Variants in RRM1 observed in about 807,000 individuals in gnomAD.
RRM1 encodes the protein ribonucleoside-diphosphate reductase large subunit.
A neutral mutation model predicts 101.5 loss-of-function variants in RRM1; 19 were observed. The ratio of observed to expected loss-of-function variants is 0.19; its 90% CI spans 0.13 to 0.27. RRM1 has a LOEUF of 0.27. RRM1 is among the 10% of genes least tolerant of loss of function. The pLI, the probability that RRM1 is intolerant of heterozygous loss-of-function variation, is 1.00. For missense variants in RRM1, 500 were observed against 962.9 expected (o/e 0.52, Z 6.36); for synonymous variants, 298 against 323.4 (o/e 0.92, Z 0.84).
chr11:4,108,373 T>G lies in RRM1; in HGVS notation c.387+838T>G, dbSNP rs922813133. Among the ~76,000 whole-genome samples the G allele has an allele frequency of 4.6e-5, 7 of 151,820 alleles. No homozygotes were observed. In the South Asian group the frequency reaches 1.0e-3, roughly 23 times the overall value. ...CAGCACTTTGAGAGGCTGAGGCGGGTGGATCACGGGGTCAGGAGATCCAGA... is the reference window on the plus strand; with the variant it reads ...CAGCACTTTGAGAGGCTGAGGCGGGGGGATCACGGGGTCAGGAGATCCAGA... On this transcript the variant is annotated intron_variant, in intron 4 of 18. Transcript: ENST00000300738.
chr11:4,133,980 A>ATTTTTTTTTTTTT (rs34715101), intron 17 of RRM1, among the ~76,000 whole-genome samples: 2 of 90,866 alleles, frequency 2.2e-5, no homozygotes, highest in East Asian at 3.4e-4. Context: ...CCAGACATCA[A>ATTTTTTTTTTTTT]TTTTTTTTTT....
intron 18 of RRM1, chr11:4,137,188 A>C (rs898076157): frequency 1.2e-5 from 3 of 254,798 alleles, no homozygotes; most frequent in African/African-American, 7.1e-5. Context: ...CAGACACGGC[A>C]ACCATCCGAT....
chr11:4,108,556 C>T (rs868685577), intron 4 of RRM1, among the ~76,000 whole-genome samples: 30 of 137,396 alleles, frequency 2.2e-4, no homozygotes, highest in Admixed American at 6.7e-4. Flanking sequence ...CGAGATTGGG[C>T]CACTGCACTC....
intron 14 of RRM1, among the ~76,000 whole-genome samples, chr11:4,127,587 A>C (rs576174932): frequency 1.3e-5 from 2 of 152,222 alleles, no homozygotes; most frequent in Admixed American, 6.5e-5. Flanking sequence ...GGCAAGGAAC[A>C]GAATCTCTTC....
At chr11:4,103,579 A>G (rs1055679952) in intron 2 of RRM1, among the ~76,000 whole-genome samples, 21 of 152,138 alleles carry the variant, frequency 1.4e-4, no homozygotes, top group Admixed American at 3.9e-4. Flanking sequence ...GTCGGTGCAC[A>G]TCTGTAATCC....
In RRM1 at chr11:4,123,502, CAGA is replaced by C. The variant is rs1590726773; in HGVS notation, c.1320+123_1320+125del. The C allele has an allele frequency of 3.4e-5, 26 of 773,300 alleles. No individual in the cohort carries two copies. In the East Asian group the frequency reaches 6.7e-4, roughly 20 times the overall value. 47.9% of individuals were successfully genotyped at this position (773,300 alleles called of 1,614,324 possible). Reference sequence around the variant, plus strand: ...TGAAGGGAGTTTGCATAGTTGTAAGCAGAAGAACACTGTTAAAGGCAGAGAGCA... The same window carrying C: ...TGAAGGGAGTTTGCATAGTTGTAAGCAGAACACTGTTAAAGGCAGAGAGCA... On this transcript the variant is annotated intron_variant, in intron 12 of 18. Transcript: ENST00000300738.
intron 1 of RRM1, among the ~76,000 whole-genome samples, chr11:4,096,898 C>A (rs929770213): frequency 1.3e-5 from 2 of 151,988 alleles, no homozygotes; most frequent in African/African-American, 2.4e-5. Context: ...AATGTATGGA[C>A]TTAGATGACC....
In RRM1 at chr11:4,123,389, GT is replaced by G; in HGVS notation, c.1320+6del. The G allele has an allele frequency of 1.2e-6, 2 of 1,612,798 alleles. No individual in the cohort carries two copies. Among genetic ancestry groups the G allele is most frequent in the Non-Finnish European group, 1.7e-6 (2 of 1,178,880 alleles). On this transcript the variant is annotated splice_donor_region_variant and intron_variant, in intron 12 of 18. Transcript: ENST00000300738. ...GAGTACACCAGCAAAGATGAGGTAG[GT>G]AGAAAAAATTCTTCCTAGAGTACTA...
At chr11:4,133,477 A>G (rs1446742112) in intron 16 of RRM1, 86 bp from the exon 17 acceptor site, 9 of 758,066 alleles carry the variant, frequency 1.2e-5, no homozygotes, top group African/African-American at 1.1e-4. Context: ...CTCTTAAGTG[A>G]TTTTAGTTTA....
chr11:4,125,336 A>G (rs1198749250), intron 12 of RRM1, among the ~76,000 whole-genome samples: 2 of 152,130 alleles, frequency 1.3e-5, no homozygotes, highest in South Asian at 2.1e-4. Context: ...ATTTGTGGAC[A>G]TTGTGGACAT....
chr11:4,130,969 C>T (rs1412267057), intron 15 of RRM1, among the ~76,000 whole-genome samples: 1 of 151,640 alleles, frequency 6.6e-6, no homozygotes, highest in Non-Finnish European at 1.5e-5. Flanking sequence ...GAACCACCCC[C>T]CAAAAAAAGT....
intron 1 of RRM1, among the ~76,000 whole-genome samples, chr11:4,100,520 A>G (rs552238997): frequency 9.9e-5 from 15 of 152,150 alleles, no homozygotes; most frequent in Admixed American, 2.0e-4. Flanking sequence ...AAAGTTTTGG[A>G]TTTTGGAGTG....
chr11:4,107,418 T>A lies in RRM1; in HGVS notation c.287-17T>A, dbSNP rs777496884. 10 of 1,516,088 alleles carry A rather than the reference T, an allele frequency of 6.6e-6. No homozygotes were observed. The highest frequency in any genetic ancestry group is 9.2e-6 in the Non-Finnish European group (10 of 1,092,134). 93.9% of individuals were successfully genotyped at this position (1,516,088 alleles called of 1,614,324 possible). On this transcript the variant is annotated splice_polypyrimidine_tract_variant and intron_variant, in intron 3 of 18. Coordinates refer to ENST00000300738, the MANE Select transcript of RRM1 (RefSeq NM_001033.5). ...AAGTGGTCTTGATATATTTTCATTT[T>A]TTGTTGTATTTTTTAGATGTGATGG...
At position 4,094,899 on chromosome 11, in the gene RRM1, C is replaced by T; in HGVS notation, c.-114C>T. 3.5e-6 allele frequency: 4 copies of T among 1,143,296 alleles called. No individual in the cohort carries two copies. Among genetic ancestry groups the T allele is most frequent in the Non-Finnish European group, 5.2e-6 (4 of 776,126 alleles). 70.8% of individuals were successfully genotyped at this position (1,143,296 alleles called of 1,614,324 possible). ...TCTGGCTCCAACTCCAGTTCTTTCC[C>T]CTGAGCAGCGCCTGGAACCTAACCC... On this transcript the variant is annotated 5_prime_UTR_variant, in exon 1 of 19. Coordinates refer to ENST00000300738, the MANE Select transcript of RRM1 (RefSeq NM_001033.5).
intron 12 of RRM1, 60 bp downstream of exon 12, chr11:4,123,444 G>A: frequency 1.5e-6 from 2 of 1,342,932 alleles, no homozygotes; most frequent in South Asian, 2.4e-5. Flanking sequence ...GTTATTATTT[G>A]TGAATTCCTC....
At chr11:4,114,047 A>G (rs2094569161) in intron 7 of RRM1, among the ~76,000 whole-genome samples, 1 of 152,170 alleles carries the variant, frequency 6.6e-6, no homozygotes. Flanking sequence ...AGACAGGAGA[A>G]TTGCTTGAAC....
chr11:4,128,161 C>CTTTT (rs146980476), intron 14 of RRM1, among the ~76,000 whole-genome samples: 1 of 133,048 alleles, frequency 7.5e-6, no homozygotes, highest in Non-Finnish European at 1.6e-5. Flanking sequence ...CCCTGTCCCG[C>CTTTT]TTTTTTTTTT....
intron 17 of RRM1, among the ~76,000 whole-genome samples, chr11:4,134,782 A>G (rs2094606165): frequency 6.6e-6 from 1 of 152,154 alleles, no homozygotes; most frequent in Non-Finnish European, 1.5e-5. Context: ...GTGCCTCTAG[A>G]AGAATGAATG....
At chr11:4,130,386 T>C (rs1039712319) in intron 15 of RRM1, among the ~76,000 whole-genome samples, 2 of 152,032 alleles carry the variant, frequency 1.3e-5, no homozygotes. Flanking sequence ...TTTTGTCATA[T>C]AAATGTGATC....
Sources: gnomAD v4.1 joint callset for allele counts (sites outside exome capture counted in the v4.1 genomes callset) on GRCh38, gnomAD v4.1.1 for gene constraint, MANE v1.5 for transcripts, NCBI Gene and HGNC (gene_info 2026-07-23, HGNC 2026-07-21) for gene names.